EPHA5: variants seen among roughly 807,000 people sequenced by gnomAD.
EPHA5 encodes EPH receptor A5.
Under a neutral mutation model 105.0 loss-of-function variants are expected in EPHA5, and 60 were observed. The ratio of observed to expected loss-of-function variants is 0.57; its 90% confidence interval spans 0.46 to 0.71. The LOEUF is 0.71. Ranked by LOEUF, EPHA5 falls within the 30% of genes least tolerant of loss-of-function variation. The pLI is 0.00. For missense variants in EPHA5, 1,218 were observed against 1,274.7 expected (o/e 0.96, Z 0.68); for synonymous variants, 513 against 449.1 (o/e 1.14, Z -1.80).
At chr4:65,465,499 GA>G (rs1728568102) in intron 5 of EPHA5, among the ~76,000 whole-genome samples, 1 of 93,732 alleles carries the variant, frequency 1.1e-5, no homozygotes, top group Non-Finnish European at 2.3e-5. Flanking sequence ...AAGAAAGAAA[GA>G]AAGAAAGAAA....
chr4:65,531,198 C>A (rs958559902), intron 3 of EPHA5, among the ~76,000 whole-genome samples: 3 of 149,976 alleles, frequency 2.0e-5, no homozygotes, highest in Non-Finnish European at 3.0e-5. Context: ...CCACCGCGCC[C>A]GGCTAATTTT....
chr4:65,532,335 G>A (rs1735885750), intron 3 of EPHA5, among the ~76,000 whole-genome samples: 1 of 151,766 alleles, frequency 6.6e-6, no homozygotes, highest in Admixed American at 6.6e-5. Flanking sequence ...TTCTCTATTT[G>A]AAAGAAAATT....
In EPHA5 at chr4:65,356,270, T is replaced by G. The variant is rs1289176474; in HGVS notation, c.2174-3167A>C. 2.0e-5 allele frequency among the ~76,000 whole-genome samples: 3 copies of G among 151,478 alleles called. No individual in the cohort carries two copies. In the South Asian group the frequency reaches 6.2e-4, roughly 31 times the overall value. On this transcript the variant is annotated intron_variant, in intron 11 of 16. Coordinates refer to ENST00000613740, the MANE Select transcript of EPHA5 (RefSeq NM_001281766.3). ...TATCTTTTTATATTTTAGGATCTCT[T>G]TTTAGAGTTATGGGTTAGTGGTAAA...
chr4:65,572,653 T>G (rs1261425337), intron 3 of EPHA5, among the ~76,000 whole-genome samples: 2 of 152,210 alleles, frequency 1.3e-5, no homozygotes, highest in African/African-American at 4.8e-5. Context: ...ATGTACGGAA[T>G]ATGACAAGTA....
At chr4:65,602,347 A>G in intron 2 of EPHA5, 43 bp from the exon 3 acceptor site, 2 of 1,450,432 alleles carry the variant, frequency 1.4e-6, no homozygotes, top group Non-Finnish European at 1.8e-6. Context: ...TTCAAAAAAT[A>G]GAAAATAACA....
chr4:65,499,354 T>G (rs1395666646), intron 3 of EPHA5, among the ~76,000 whole-genome samples: 1 of 151,680 alleles, frequency 6.6e-6, no homozygotes, highest in Non-Finnish European at 1.5e-5. Flanking sequence ...TCTTTTAAGA[T>G]GCTCAAAAAC....
chr4:65,561,102 G>T (rs537777489), intron 3 of EPHA5, among the ~76,000 whole-genome samples: 55 of 151,414 alleles, frequency 3.6e-4, no homozygotes, highest in Admixed American at 3.0e-3. Flanking sequence ...TTCTATCCCC[G>T]ATAGGCTAGA....
intron 1 of EPHA5, among the ~76,000 whole-genome samples, chr4:65,648,984 T>TA (rs1748362578): frequency 6.6e-6 from 1 of 152,170 alleles, no homozygotes; most frequent in Admixed American, 6.5e-5. Context: ...AAAATTATGT[T>TA]ATAGGTTTAG....
chr4:65,466,052 G>T (rs1728687867), intron 5 of EPHA5, among the ~76,000 whole-genome samples: 1 of 152,208 alleles, frequency 6.6e-6, no homozygotes, highest in South Asian at 2.1e-4. Context: ...GGTAATATGT[G>T]CTGTGACAAG....
rs548263764 is a variant in EPHA5, at chr4:65,351,427, C to T, written c.2407G>A (p.Val803Ile). ...CKVSDFGLSR[V>I]LEDDPEAAYT... is the part of the protein sequence containing the mutation. ...GCTGCCTCGGGATCATCTTCCAGTA[C>T]CCGGGAAAGTCCAAAGTCAGACACT... Residue 803 changes from valine to isoleucine, a missense_variant, in exon 13 of 17, where the codon GTA becomes ATA. Transcript: ENST00000613740. 339 of 1,613,688 alleles carry T rather than the reference C, an allele frequency of 2.1e-4. 4 individuals carry two copies. The South Asian group carries it at 3.3e-3, about 16-fold the overall frequency.
intron 3 of EPHA5, among the ~76,000 whole-genome samples, chr4:65,521,531 AG>A (rs1418172831): frequency 6.6e-6 from 1 of 152,080 alleles, no homozygotes; most frequent in African/African-American, 2.4e-5. Context: ...AATAAAAAAA[AG>A]CAAAGGTTAA....
At position 65,669,856 on chromosome 4, in the gene EPHA5, A is replaced by C; in HGVS notation, c.-114T>G. ...CCTCCTTGTCCCCCCTTGGGGTCCT[A>C]CGCCTTCTGGCACGCGGCTCCTCCA... On this transcript the variant is annotated 5_prime_UTR_variant, in exon 1 of 17. Coordinates refer to ENST00000613740, the MANE Select transcript of EPHA5 (RefSeq NM_001281766.3). 8.1e-7 allele frequency: 1 copy of C among 1,227,792 alleles called. No individual in the cohort carries two copies. The highest frequency in any genetic ancestry group is 1.0e-6 in the Non-Finnish European group (1 of 984,852). The allele number at this position is 1,227,792 out of a possible 1,614,324, so 76.1% of individuals were successfully genotyped here. A position where few individuals can be genotyped will look rare whatever the true frequency, so the allele number is the denominator to read the frequency against.
chr4:65,516,764 CT>C (rs1238866218), intron 3 of EPHA5, among the ~76,000 whole-genome samples: 1 of 151,900 alleles, frequency 6.6e-6, no homozygotes, highest in Non-Finnish European at 1.5e-5. Context: ...TCTTTCTTGC[CT>C]TATTACAATG....
intron 8 of EPHA5, among the ~76,000 whole-genome samples, chr4:65,385,258 G>C (rs1422885996): frequency 6.6e-6 from 1 of 151,724 alleles, no homozygotes; most frequent in East Asian, 1.9e-4. Flanking sequence ...AGTCAAATAT[G>C]TACATTGTTT....
At chr4:65,632,348 C>T (rs758765708) in intron 2 of EPHA5, among the ~76,000 whole-genome samples, 3 of 151,818 alleles carry the variant, frequency 2.0e-5, no homozygotes, top group Admixed American at 6.6e-5. Flanking sequence ...TCATTCAAAC[C>T]GATGTTTTTT....
chr4:65,396,778 G>A (rs1721283500), intron 8 of EPHA5, among the ~76,000 whole-genome samples: 1 of 152,162 alleles, frequency 6.6e-6, no homozygotes, highest in Non-Finnish European at 1.5e-5. Flanking sequence ...AGGGACAACT[G>A]ATCCTGAAGG....
intron 3 of EPHA5, among the ~76,000 whole-genome samples, chr4:65,570,998 A>G (rs1740110651): frequency 1.3e-5 from 2 of 151,820 alleles, no homozygotes; most frequent in Admixed American, 1.3e-4. Context: ...CATTGATTTC[A>G]TTCTCTCCCT....
intron 1 of EPHA5, among the ~76,000 whole-genome samples, chr4:65,661,768 A>G (rs532929608): frequency 1.1e-4 from 17 of 152,216 alleles, no homozygotes; most frequent in Non-Finnish European, 2.5e-4. Context: ...CTGCCTACTG[A>G]GTTTGCCTTT....
At chr4:65,516,360 T>A (rs1036044832) in intron 3 of EPHA5, among the ~76,000 whole-genome samples, 7 of 152,098 alleles carry the variant, frequency 4.6e-5, no homozygotes, top group Admixed American at 4.6e-4. Flanking sequence ...TAAATGGAAG[T>A]GGATAATCAG....
Sources: allele counts gnomAD v4.1 joint callset (sites outside exome capture counted in the v4.1 genomes callset), GRCh38; gene constraint gnomAD v4.1.1; transcripts MANE v1.5; gene names NCBI Gene and HGNC (gene_info 2026-07-23, HGNC 2026-07-21).